Variants in SPATC1L observed in about 807,000 individuals in gnomAD.
SPATC1L encodes spermatogenesis and centriole associated 1 like.
A neutral mutation model predicts 21.2 loss-of-function variants in SPATC1L; 20 were observed. That is an observed-to-expected ratio of 0.94 (90% CI 0.66 to 1.37). SPATC1L has a LOEUF of 1.37. SPATC1L is among the 40% of genes most tolerant of loss of function. SPATC1L has a pLI of 0.00. For missense variants in SPATC1L, 499 were observed against 478.7 expected (o/e 1.04, Z -0.40); for synonymous variants, 290 against 234.5 (o/e 1.24, Z -2.16).
In SPATC1L at chr21:46,161,701, G is replaced by C; in HGVS notation, c.701C>G (p.Ser234Cys). Residue 234 changes from serine (S) to cysteine (C), a missense_variant, in exon 5 of 5, where the codon TCC becomes TGC. Transcript: ENST00000291672. The part of the protein sequence containing the change: ...ANIPEKIEQT[S>C]TKSLDGSVDE... ...CACGGAGCCGTCCAGAGACTTGGTG[G>C]AGGTCTGCGGGCGCAGCGCATGGAT... 6.3e-7 allele frequency: 1 copy of C among 1,591,794 alleles called. No homozygotes were observed. The highest frequency in any genetic ancestry group is 8.6e-7 in the Non-Finnish European group (1 of 1,168,772).
rs148386998 is a variant in SPATC1L at position 46,168,351 on chromosome 21, G to C, written c.501C>G (p.Ser167Arg). 2.5e-5 allele frequency: 40 copies of C among 1,601,210 alleles called. No homozygotes were observed. The highest frequency in any genetic ancestry group is 3.3e-5 in the Non-Finnish European group (39 of 1,170,230). The change falls in exon 3 of 5, where the codon AGC becomes AGG. Residue 167 changes from serine to arginine, a missense_variant. Coordinates refer to ENST00000291672, the MANE Select transcript of SPATC1L (RefSeq NM_001142854.2). ...TCCTGGTCCTGTCCCCGGTGGGCAG[G>C]CTGCTCTCCGAGAAACACACCTTCT... ...RPKKVCFSES[S>R]LPTGDRTRRS...
At position 46,161,392 on chromosome 21, in the gene SPATC1L, A is replaced by AG. The variant is rs751274695; in HGVS notation, c.1009dup (p.Leu337ProfsTer?). On this transcript the variant is annotated frameshift_variant, in exon 5 of 5. Transcript: ENST00000291672. LOFTEE classifies it high-confidence loss of function. ...GCGCGGGGCGGCTCACCAGGCGAAG[A>AG]GGGGCTTGCCGTCCTCCTTGGAGAG... The AG allele has an allele frequency of 6.6e-7, 1 of 1,520,092 alleles. No homozygotes were observed. The highest frequency in any genetic ancestry group is 1.3e-5 in the South Asian group (1 of 79,442). 94.2% of individuals were successfully genotyped at this position (1,520,092 alleles called of 1,614,324 possible).
At position 46,161,250 on chromosome 21, in the gene SPATC1L, G is replaced by A. The variant is rs945321819; in HGVS notation, c.*129C>T. On this transcript the variant is annotated 3_prime_UTR_variant, in exon 5 of 5. Transcript: ENST00000291672. ...GTCGGGGCCCAGCACCGGTGGGAGC[G>A]GGGCCTTCTCTGGCCTCGCGCGCGG... is the stretch of plus-strand genomic sequence containing the variant. The A allele has an allele frequency of 9.4e-6, 8 of 851,906 alleles. No homozygotes were observed. The highest frequency in any genetic ancestry group is 3.6e-5 in the African/African-American group (2 of 55,030). 52.8% of individuals were successfully genotyped at this position (851,906 alleles called of 1,614,324 possible). A position where few individuals can be genotyped will look rare whatever the true frequency, so the allele number is the denominator to read the frequency against.
chr21:46,178,579 A>C (rs796591896), intron 2 of SPATC1L, among the ~76,000 whole-genome samples: 12 of 152,312 alleles, frequency 7.9e-5, no homozygotes, highest in African/African-American at 2.9e-4. Context: ...CCCTGAACTT[A>C]AAAGTTTTTT....
At chr21:46,168,209 G>T in intron 3 of SPATC1L, 99 bp downstream of exon 3, 1 of 747,918 alleles carries the variant, frequency 1.3e-6, no homozygotes, top group Non-Finnish European at 2.1e-6. Flanking sequence ...TGTGTGACTG[G>T]ATGGAGAAAC....
At chr21:46,167,602 C>G (rs1373508507) in intron 3 of SPATC1L, among the ~76,000 whole-genome samples, 3 of 152,162 alleles carry the variant, frequency 2.0e-5, no homozygotes, top group Non-Finnish European at 4.4e-5. Context: ...ATTGCTTCAG[C>G]CCGGGAGGTC....
At chr21:46,173,812 T>A (rs1372334351) in intron 2 of SPATC1L, among the ~76,000 whole-genome samples, 2 of 152,114 alleles carry the variant, frequency 1.3e-5, no homozygotes, top group Non-Finnish European at 1.5e-5. Context: ...GCAGGCACTC[T>A]GCATCTGCCA....
At position 46,182,708 on chromosome 21, in the gene SPATC1L, G is replaced by A. The variant is rs759406154; in HGVS notation, c.109C>T (p.Gln37Ter). The change falls in exon 2 of 5, where the codon CAG (glutamine) becomes TAG (stop). Residue 37 changes from glutamine to a stop codon, truncating the protein, a stop_gained. Transcript: ENST00000291672. LOFTEE classifies it high-confidence loss of function. The stretch of plus-strand genomic sequence containing the variant: ...TGGCCGCCGCCCTCCTGGCAGCTCT[G>A]GCTGAGCAGCCGCCGCAGCATCTGA... ...ENQMLRRLLSQSCQEGGGHDL... is the reference protein window; with the variant it reads ...ENQMLRRLLS 80 of 1,545,718 alleles carry A rather than the reference G, an allele frequency of 5.2e-5. No homozygotes were observed. Among genetic ancestry groups the A allele is most frequent in the Non-Finnish European group, 6.4e-5 (73 of 1,146,658 alleles).
At position 46,162,083 on chromosome 21, in the gene SPATC1L, C is replaced by A. The variant is rs761908271; in HGVS notation, c.545-16G>T. The A allele has an allele frequency of 1.3e-6, 2 of 1,559,544 alleles. No homozygotes were observed. The highest frequency in any genetic ancestry group is 2.3e-5 in the East Asian group (1 of 42,702). On this transcript the variant is annotated splice_polypyrimidine_tract_variant and intron_variant, in intron 3 of 4. Transcript: ENST00000291672. ...CTCTGGATCTCTGGGGGAGGGAAGG[C>A]CGGGGACAAGGTCAGGGGAGCGCGA... is the stretch of plus-strand genomic sequence containing the variant.
intron 1 of SPATC1L, among the ~76,000 whole-genome samples, 163 bp from the exon 2 acceptor site, chr21:46,183,937 T>TG (rs1273883014): frequency 3.9e-5 from 1 of 25,910 alleles, no homozygotes; most frequent in South Asian, 1.5e-3. Flanking sequence ...ACCAGCCTTG[T>TG]GGGGGAGACC....
rs375786023 is a variant in SPATC1L, at chr21:46,161,376, G to A, written c.*3C>T. On this transcript the variant is annotated 3_prime_UTR_variant, in exon 5 of 5. Coordinates refer to ENST00000291672, the MANE Select transcript of SPATC1L (RefSeq NM_001142854.2). ...GCAGGCAAGGCGGCGGGCGCGGGGC[G>A]GCTCACCAGGCGAAGAGGGGCTTGC... The A allele has an allele frequency of 1.8e-5, 27 of 1,507,826 alleles. No individual in the cohort carries two copies. Among genetic ancestry groups the A allele is most frequent in the South Asian group, 1.2e-4 (9 of 77,538 alleles). The allele number at this position is 1,507,826 out of a possible 1,614,324, so 93.4% of individuals were successfully genotyped here.
intron 3 of SPATC1L, among the ~76,000 whole-genome samples, chr21:46,166,132 G>A (rs2079538514): frequency 6.6e-6 from 1 of 152,214 alleles, no homozygotes; most frequent in South Asian, 2.1e-4. Flanking sequence ...TTGGGAGGCT[G>A]AGGTGGGCGG....
chr21:46,173,383 C>T (rs560264465), intron 2 of SPATC1L, among the ~76,000 whole-genome samples: 3 of 152,110 alleles, frequency 2.0e-5, no homozygotes, highest in Non-Finnish European at 4.4e-5. Flanking sequence ...CTGCCTGCTC[C>T]CTCCTCATAT....
intron 3 of SPATC1L, among the ~76,000 whole-genome samples, chr21:46,163,394 A>G (rs551914481): frequency 6.6e-6 from 1 of 152,152 alleles, no homozygotes; most frequent in African/African-American, 2.4e-5. Context: ...CATGCTTTTG[A>G]TGTGATCTCT....
chr21:46,182,079 G>A (rs940146860), intron 2 of SPATC1L, among the ~76,000 whole-genome samples: 29 of 152,266 alleles, frequency 1.9e-4, no homozygotes, highest in Admixed American at 1.6e-3. Context: ...AGGGACAGGC[G>A]CCCACTTGTC....
In SPATC1L at chr21:46,161,528, G is replaced by A. The variant is rs1323039294; in HGVS notation, c.874C>T (p.Arg292Cys). 5 of 1,610,008 alleles carry A rather than the reference G, an allele frequency of 3.1e-6. No individual in the cohort carries two copies. The highest frequency in any genetic ancestry group is 1.7e-5 in the Admixed American group (1 of 59,744). ...YGILKQRPDL[R>C]ANPLHSSPAA... ...GGGCTGCTGTGCAGGGGGTTGGCGCGCAGGTCGGGCCGCTGCTTCAGGATT... is the reference window on the plus strand; with the variant it reads ...GGGCTGCTGTGCAGGGGGTTGGCGCACAGGTCGGGCCGCTGCTTCAGGATT... The change falls in exon 5 of 5, where the codon CGC becomes TGC. Residue 292 changes from arginine (R) to cysteine (C), a missense_variant. Transcript: ENST00000291672.
intron 2 of SPATC1L, among the ~76,000 whole-genome samples, chr21:46,173,051 G>A (rs1013277823): frequency 2.0e-5 from 3 of 152,244 alleles, no homozygotes; most frequent in African/African-American, 7.2e-5. Context: ...GCAGCCAGCT[G>A]AAGCAGAACC....
intron 2 of SPATC1L, among the ~76,000 whole-genome samples, chr21:46,173,340 C>T (rs2079607791): frequency 6.6e-6 from 1 of 152,094 alleles, no homozygotes; most frequent in Non-Finnish European, 1.5e-5. Flanking sequence ...GTGGAGAGCT[C>T]CAGTGAGACA....
chr21:46,182,378 C>A (rs1400146004), intron 2 of SPATC1L, among the ~76,000 whole-genome samples: 1 of 152,262 alleles, frequency 6.6e-6, no homozygotes, highest in Non-Finnish European at 1.5e-5. Flanking sequence ...ATGACTGCAG[C>A]TGACCAGTCC....
Sources: allele counts gnomAD v4.1 joint callset (sites outside exome capture counted in the v4.1 genomes callset), GRCh38; gene constraint gnomAD v4.1.1; transcripts MANE v1.5; gene names NCBI Gene and HGNC (gene_info 2026-07-23, HGNC 2026-07-21).